The following GPSM1 variants were observed in gnomAD, a reference collection of about 807,000 sequenced individuals.
The protein encoded by GPSM1 is G protein-signaling modulator 1.
Under a neutral mutation model 70.5 loss-of-function variants are expected in GPSM1, and 48 were observed. The observed-to-expected ratio is 0.68, with a 90% CI of 0.54 to 0.87. The LOEUF is 0.87. GPSM1 is among the 40% of genes least tolerant of loss of function. GPSM1 has a pLI of 0.00. For synonymous variants in GPSM1, 416 were observed against 430.1 expected (o/e 0.97, Z 0.41); for missense variants, 981 against 972.6 (o/e 1.01, Z -0.11).
Position 136,336,969 on chromosome 9 carries a change from A to G in GPSM1, c.475A>G (p.Lys159Glu). 1.3e-6 allele frequency: 2 copies of G among 1,556,986 alleles called. No individual in the cohort carries two copies. Among genetic ancestry groups the G allele is most frequent in the Non-Finnish European group, 1.7e-6 (2 of 1,150,920 alleles). The change falls in exon 4 of 14, where the codon AAA becomes GAA. Residue 159 changes from lysine to glutamate, a missense_variant. Coordinates refer to ENST00000440944, the MANE Select transcript of GPSM1 (RefSeq NM_001145638.3). ...LYNIGNVYHA[K>E]GKQLSWNAAN... is the part of the protein sequence containing the mutation. ...CAACATCGGGAACGTGTACCACGCC[A>G]AAGGCAAGCAACTGTCCTGGAACGC... is the stretch of plus-strand genomic sequence containing the variant.
chr9:136,353,723 C>T (rs568355122), intron 11 of GPSM1, among the ~76,000 whole-genome samples: 26 of 152,360 alleles, frequency 1.7e-4, no homozygotes, highest in African/African-American at 5.8e-4. Context: ...TCCACCTGGG[C>T]CCCGGGTCAC....
chr9:136,353,681 G>A (rs1832733087), intron 11 of GPSM1, among the ~76,000 whole-genome samples: 2 of 152,188 alleles, frequency 1.3e-5, no homozygotes, highest in African/African-American at 4.8e-5. Context: ...CCCCTGACGG[G>A]TCCTGCCTTT....
Position 136,358,457 on chromosome 9 carries a change from C to T in GPSM1, c.*237C>T, listed in dbSNP as rs1183721220. ...CCTCCCTTCTGCCCCTGCCGCAGGC[C>T]GGACGGGGCCTTCGGCATGTCGGCC... On this transcript the variant is annotated 3_prime_UTR_variant, in exon 14 of 14. Coordinates refer to ENST00000440944, the MANE Select transcript of GPSM1 (RefSeq NM_001145638.3). 21 of 558,716 alleles carry T rather than the reference C, an allele frequency of 3.8e-5. No individual in the cohort carries two copies. The highest frequency in any genetic ancestry group is 9.1e-4 in the Middle Eastern group (2 of 2,198). 34.6% of individuals were successfully genotyped at this position (558,716 alleles called of 1,614,324 possible). A position where few individuals can be genotyped will look rare whatever the true frequency, so the allele number is the denominator to read the frequency against.
intron 1 of GPSM1, among the ~76,000 whole-genome samples, chr9:136,333,379 C>T (rs1330961775): frequency 6.6e-6 from 1 of 151,842 alleles, no homozygotes. Flanking sequence ...GGCCCCAGAG[C>T]AGGCAGCAGG....
chr9:136,333,874 G>A (rs1832160639), intron 1 of GPSM1, among the ~76,000 whole-genome samples: 1 of 152,176 alleles, frequency 6.6e-6, no homozygotes, highest in South Asian at 2.1e-4. Context: ...GAGACTTGGA[G>A]GCTGACTGAA....
chr9:136,337,693 G>T, intron 5 of GPSM1, 129 bp downstream of exon 5: 1 of 1,003,982 alleles, frequency 1.0e-6, no homozygotes, highest in Non-Finnish European at 1.5e-6. Context: ...ACCGAGTCCT[G>T]GCCTCATCTG....
chr9:136,349,851 G>A, intron 11 of GPSM1, 88 bp downstream of exon 11: 1 of 1,314,114 alleles, frequency 7.6e-7, no homozygotes, highest in Non-Finnish European at 1.0e-6. Flanking sequence ...ACGGGGCCAG[G>A]TCAGGCCCGG....
At position 136,358,147 on chromosome 9, in the gene GPSM1, T is replaced by C. The variant is rs1554773586; in HGVS notation, c.1955T>C (p.Leu652Pro). ...CGCATGGACGAGCAGCGGGTGGACC[T>C]CGCCGGGGGCCCGGAGCAGGGGGCA... is the stretch of plus-strand genomic sequence containing the variant. ...AKRMDEQRVD[L>P]AGGPEQGAGG... The change falls in exon 14 of 14, where the codon CTC (leucine) becomes CCC (proline). Residue 652 changes from leucine (L) to proline (P), a missense_variant. Transcript: ENST00000440944. The C allele has an allele frequency of 2.5e-6, 4 of 1,605,368 alleles. No homozygotes were observed. In the African/African-American group the frequency reaches 5.4e-5, roughly 21 times the overall value.
chr9:136,348,950 C>T (rs550200495), intron 10 of GPSM1, among the ~76,000 whole-genome samples, 183 bp downstream of exon 10: 2 of 152,256 alleles, frequency 1.3e-5, no homozygotes, highest in African/African-American at 4.8e-5. Flanking sequence ...CCCTCAGCGT[C>T]TGGCCAGCTG....
rs183383670 is a variant in GPSM1, at chr9:136,355,984, G to A, written c.1612+138G>A. 316 of 667,470 alleles carry A rather than the reference G, an allele frequency of 4.7e-4. 1 individual carries two copies. The African/African-American group carries it at 4.9e-3, about 10-fold the overall frequency. The allele number at this position is 667,470 out of a possible 1,614,324, so 41.3% of individuals were successfully genotyped here. ...TGCAGAGCACCCTGTCACTGAGGGC[G>A]CCCTCCGCAGCCCCCACAGAGCAGC... On this transcript the variant is annotated intron_variant, in intron 12 of 13. Transcript: ENST00000440944.
chr9:136,335,726 T>C (rs1378412581), intron 2 of GPSM1, among the ~76,000 whole-genome samples: 4 of 152,144 alleles, frequency 2.6e-5, no homozygotes, highest in Non-Finnish European at 4.4e-5. Flanking sequence ...GCCTGTGTGG[T>C]GATGGGCAGG....
intron 9 of GPSM1, among the ~76,000 whole-genome samples, chr9:136,344,219 G>A (rs370235173): frequency 2.1e-5 from 3 of 143,652 alleles, no homozygotes; most frequent in East Asian, 4.1e-4. Context: ...CGGGGTGGGG[G>A]CGCGGACAGA....
In GPSM1 at chr9:136,342,738, C is replaced by G. The variant is rs1467517858; in HGVS notation, c.1207+1745C>G. ...CTCCCCATTCGGCAGGTGCGGAGGG[C>G]GGGGTGGATCTGCGAGCTGCGGGAG... On this transcript the variant is annotated intron_variant, in intron 9 of 13. Transcript: ENST00000440944. This position sits in a 1 kb window ranked among gnomAD's most constrained non-coding sequence, Gnocchi z 5.5. 6.6e-6 allele frequency among the ~76,000 whole-genome samples: 1 copy of G among 150,570 alleles called. No homozygotes were observed. Among genetic ancestry groups the G allele is most frequent in the African/African-American group, 2.4e-5 (1 of 40,862 alleles).
intron 3 of GPSM1, 76 bp downstream of exon 3, chr9:136,336,177 G>A (rs1239454314): frequency 7.3e-6 from 11 of 1,501,230 alleles, no homozygotes; most frequent in Admixed American, 1.9e-5. Context: ...AGGGGCGGGC[G>A]GGTGACTCAC....
At chr9:136,348,574 G>C (rs117390886) in intron 9 of GPSM1, 123 bp from the exon 10 acceptor site, 2 of 649,416 alleles carry the variant, frequency 3.1e-6, no homozygotes, top group East Asian at 2.8e-5. Flanking sequence ...GCCTCCACAA[G>C]GGGGGCTGGC....
At position 136,342,910 on chromosome 9, in the gene GPSM1, G is replaced by A. The variant is rs1160584336; in HGVS notation, c.1207+1917G>A. 1.3e-5 allele frequency among the ~76,000 whole-genome samples: 2 copies of A among 152,126 alleles called. No individual in the cohort carries two copies. Among genetic ancestry groups the A allele is most frequent in the Non-Finnish European group, 2.9e-5 (2 of 68,010 alleles). The stretch of plus-strand genomic sequence containing the variant: ...GGCTTCAGCCCGGCGGGGACGCGGT[G>A]GGGCGTGGCCTTGCTGTTGTGGGCG... On this transcript the variant is annotated intron_variant, in intron 9 of 13. Coordinates refer to ENST00000440944, the MANE Select transcript of GPSM1 (RefSeq NM_001145638.3). The surrounding 1 kb of genome is among the most constrained non-coding windows in gnomAD (Gnocchi z 5.5).
chr9:136,330,029 T>C (rs141658367), intron 1 of GPSM1, among the ~76,000 whole-genome samples: 1 of 152,038 alleles, frequency 6.6e-6, no homozygotes, highest in Non-Finnish European at 1.5e-5. Context: ...GTGCTACAGT[T>C]AATGCTCAGA....
At chr9:136,337,320 C>T in intron 4 of GPSM1, 121 bp from the exon 5 acceptor site, 1 of 1,436,490 alleles carries the variant, frequency 7.0e-7, no homozygotes, top group East Asian at 2.5e-5. Context: ...CCTACCCTAG[C>T]CACCCTCTTT....
intron 11 of GPSM1, among the ~76,000 whole-genome samples, chr9:136,351,140 C>T (rs1331726033): frequency 5.9e-5 from 9 of 152,116 alleles, no homozygotes; most frequent in South Asian, 2.1e-4. Flanking sequence ...GGCTGGGATT[C>T]GCAGCCCCCC....
Sources: allele counts gnomAD v4.1 joint callset (sites outside exome capture counted in the v4.1 genomes callset), GRCh38; gene constraint gnomAD v4.1.1; non-coding constraint Gnocchi (gnomAD v3.1); transcripts MANE v1.5; gene names NCBI Gene and HGNC (gene_info 2026-07-23, HGNC 2026-07-21).